Variants in OXSM observed in about 807,000 individuals in gnomAD.
OXSM encodes the protein 3-oxoacyl-ACP synthase, mitochondrial.
OXSM carries 19 observed loss-of-function variants against 29.2 expected under a neutral mutation model. That is an observed-to-expected ratio of 0.65 (90% CI 0.45 to 0.96). The LOEUF (loss-of-function observed/expected upper bound fraction) is 0.96. Among genes scored for constraint, OXSM ranks in the 40% least tolerant of loss-of-function variants. The probability of loss-of-function intolerance (pLI) is 0.00; values close to 1 mark genes in which losing one functional copy is unlikely to be tolerated. For synonymous variants in OXSM, 178 were observed against 197.1 expected (o/e 0.90, Z 0.81); for missense variants, 554 against 551.3 (o/e 1.00, Z -0.05).
intron 1 of OXSM, 113 bp from the exon 2 acceptor site, chr3:25,790,877 T>G: frequency 1.5e-6 from 1 of 688,506 alleles, no homozygotes; most frequent in South Asian, 1.9e-5. Context: ...ACATTTTCCC[T>G]GTGTTCATTA....
At position 25,791,116 on chromosome 3, in the gene OXSM, C is replaced by G; in HGVS notation, c.96C>G (p.Phe32Leu). Residue 32 changes from phenylalanine (F) to leucine (L), a missense_variant, in exon 2 of 3, where the codon TTC (phenylalanine) becomes TTG (leucine). By Grantham distance (22) the Phe-to-Leu change is conservative (BLOSUM62 0). Coordinates refer to ENST00000280701, the MANE Select transcript of OXSM (RefSeq NM_017897.3). ...CQQLRSKRKF[F>L]GTVPISRLHR... ...AGTTAAGAAGTAAAAGGAAGTTTTT[C>G]GGAACTGTGCCAATATCCAGATTGC... is the stretch of plus-strand genomic sequence containing the variant. 1 of 1,614,146 alleles carries G rather than the reference C, an allele frequency of 6.2e-7. No homozygotes were observed. Among genetic ancestry groups the G allele is most frequent in the East Asian group, 2.2e-5 (1 of 44,884 alleles).
Position 25,791,145 on chromosome 3 carries a change from G to A in OXSM, c.125G>A (p.Arg42Lys), listed in dbSNP as rs1276195092. The change falls in exon 2 of 3, where the codon AGG (arginine) becomes AAG (lysine). Residue 42 changes from arginine (R) to lysine (K), a missense_variant. Physicochemically the swap from Arg to Lys is conservative, Grantham distance 26. Coordinates refer to ENST00000280701, the MANE Select transcript of OXSM (RefSeq NM_017897.3). ...ACTGTGCCAATATCCAGATTGCATA[G>A]GCGAGTTGTCATTACAGGCATTGGC... is the stretch of plus-strand genomic sequence containing the variant. ...FGTVPISRLH[R>K]RVVITGIGLV... is the part of the protein sequence containing the mutation. 6.2e-7 allele frequency: 1 copy of A among 1,614,228 alleles called. No homozygotes were observed. The highest frequency in any genetic ancestry group is 2.2e-5 in the East Asian group (1 of 44,886).
intron 2 of OXSM, 106 bp downstream of exon 2, chr3:25,792,103 T>G: frequency 1.1e-6 from 1 of 940,264 alleles, no homozygotes; most frequent in Non-Finnish European, 1.6e-6. Flanking sequence ...ACAGTATCTC[T>G]GTTGTTTTTC....
chr3:25,791,101 T>C lies in OXSM; in HGVS notation c.81T>C (p.Ser27=). Residue 27 remains serine, a synonymous_variant, in exon 2 of 3, where the codon AGT becomes AGC. Transcript: ENST00000280701. The part of the protein sequence containing the change: ...LCSRLCQQLR[S]KRKFFGTVPI... ...CAAGATTATGCCAACAGTTAAGAAG[T>C]AAAAGGAAGTTTTTCGGAACTGTGC... 1 of 1,614,146 alleles carries C rather than the reference T, an allele frequency of 6.2e-7. No individual in the cohort carries two copies. Among genetic ancestry groups the C allele is most frequent in the East Asian group, 2.2e-5 (1 of 44,888 alleles).
chr3:25,791,864 G>T lies in OXSM; in HGVS notation c.844G>T (p.Val282Leu). The change falls in exon 2 of 3, where the codon GTG (valine) becomes TTG (leucine). Residue 282 changes from valine (V) to leucine (L), a missense_variant. Coordinates refer to ENST00000280701, the MANE Select transcript of OXSM (RefSeq NM_017897.3). ...DGFVMGEGAA[V>L]LVLEEYEHAV... The stretch of plus-strand genomic sequence containing the variant: ...TTTTGTAATGGGAGAAGGTGCAGCT[G>T]TGCTGGTGCTGGAAGAATATGAACA... 2 of 1,613,038 alleles carry T rather than the reference G, an allele frequency of 1.2e-6. No homozygotes were observed. The highest frequency in any genetic ancestry group is 8.5e-7 in the Non-Finnish European group (1 of 1,180,018).
rs753439191 is a variant in OXSM, at chr3:25,794,090, A to T, written c.978-2A>T. On this transcript the variant is annotated splice_acceptor_variant, in intron 2 of 2. Transcript: ENST00000280701. LOFTEE classifies it high-confidence loss of function. ...GATAAATGTCTTTTCTTGTTTTATT[A>T]GGTGTATGGCTGCTGCTTTAAAAGA... 1 of 1,595,154 alleles carries T rather than the reference A, an allele frequency of 6.3e-7. No homozygotes were observed.
In OXSM at chr3:25,791,649, C is replaced by T. The variant is rs1274287016; in HGVS notation, c.629C>T (p.Thr210Ile). The T allele has an allele frequency of 6.2e-7, 1 of 1,614,010 alleles. No homozygotes were observed. The highest frequency in any genetic ancestry group is 1.3e-5 in the African/African-American group (1 of 74,922). Residue 210 changes from threonine (T) to isoleucine (I), a missense_variant, in exon 2 of 3, where the codon ACC becomes ATC. Thr to Ile is a moderately conservative substitution (Grantham distance 89). Coordinates refer to ENST00000280701, the MANE Select transcript of OXSM (RefSeq NM_017897.3). ...AATCATGCAGTATCCACAGCCTGTA[C>T]CACAGGAGCTCATGCTGTGGGAGAC... ...GPNHAVSTAC[T>I]TGAHAVGDSF...
Position 25,794,107 on chromosome 3 carries a change from T to G in OXSM, c.993T>G (p.Ala331=). 1 of 1,612,182 alleles carries G rather than the reference T, an allele frequency of 6.2e-7. No individual in the cohort carries two copies. Among genetic ancestry groups the G allele is most frequent in the East Asian group, 2.2e-5 (1 of 44,870 alleles). The change falls in exon 3 of 3, where the codon GCT becomes GCG. Residue 331 remains alanine, a synonymous_variant. Coordinates refer to ENST00000280701, the MANE Select transcript of OXSM (RefSeq NM_017897.3). The part of the protein sequence containing the change: ...GEGALRCMAA[A]LKDAGVQPEE... ...GTTTTATTAGGTGTATGGCTGCTGCTTTAAAAGATGCAGGTGTGCAGCCTG... is the reference window on the plus strand; with the variant it reads ...GTTTTATTAGGTGTATGGCTGCTGCGTTAAAAGATGCAGGTGTGCAGCCTG...
intron 1 of OXSM, chr3:25,790,416 G>C (rs1708711282): frequency 6.1e-6 from 1 of 163,174 alleles, no homozygotes; most frequent in African/African-American, 2.4e-5. Context: ...GATTCAATTG[G>C]AGAAGTTTAG....
chr3:25,791,310 A>T lies in OXSM; in HGVS notation c.290A>T (p.Asp97Val). 1.2e-6 allele frequency: 2 copies of T among 1,614,170 alleles called. No individual in the cohort carries two copies. The highest frequency in any genetic ancestry group is 1.7e-6 in the Non-Finnish European group (2 of 1,180,008). The part of the protein sequence containing the change: ...SVAAYVPRGS[D>V]EGQFNEQNFV... ...GCTGCTTATGTGCCAAGAGGTAGTG[A>T]TGAAGGTCAGTTCAATGAACAAAAC... The change falls in exon 2 of 3, where the codon GAT becomes GTT. Residue 97 changes from aspartate (D) to valine (V), a missense_variant. By Grantham distance (152) the Asp-to-Val change is radical (BLOSUM62 -3). Transcript: ENST00000280701.
At position 25,791,189 on chromosome 3, in the gene OXSM, G is replaced by T. The variant is rs1559567953; in HGVS notation, c.169G>T (p.Val57Phe). Residue 57 changes from valine to phenylalanine, a missense_variant, in exon 2 of 3, where the codon GTT becomes TTT. Coordinates refer to ENST00000280701, the MANE Select transcript of OXSM (RefSeq NM_017897.3). ...TGIGLVTPLG[V>F]GTHLVWDRLI... is the part of the protein sequence containing the mutation. ...CATTGGCTTAGTGACTCCTCTTGGTGTTGGAACTCACCTGGTTTGGGATCG... is the reference window on the plus strand; with the variant it reads ...CATTGGCTTAGTGACTCCTCTTGGTTTTGGAACTCACCTGGTTTGGGATCG... The T allele has an allele frequency of 6.2e-7, 1 of 1,614,206 alleles. No homozygotes were observed. The highest frequency in any genetic ancestry group is 8.5e-7 in the Non-Finnish European group (1 of 1,180,008).
intron 2 of OXSM, 92 bp from the exon 3 acceptor site, chr3:25,794,000 A>G (rs1708821032): frequency 7.6e-6 from 8 of 1,050,840 alleles, no homozygotes; most frequent in Non-Finnish European, 1.1e-5. Flanking sequence ...GTACTTGGAT[A>G]CCTACATTTG....
Position 25,791,200 on chromosome 3 carries a change from C to T in OXSM, c.180C>T (p.His60=). The change falls in exon 2 of 3, where the codon CAC becomes CAT. Residue 60 remains histidine, a synonymous_variant. Coordinates refer to ENST00000280701, the MANE Select transcript of OXSM (RefSeq NM_017897.3). ...GLVTPLGVGT[H]LVWDRLIGGE... is the part of the protein sequence containing the mutation. The stretch of plus-strand genomic sequence containing the variant: ...TGACTCCTCTTGGTGTTGGAACTCA[C>T]CTGGTTTGGGATCGTCTTATCGGAG... 1 of 1,614,156 alleles carries T rather than the reference C, an allele frequency of 6.2e-7. No homozygotes were observed. The highest frequency in any genetic ancestry group is 8.5e-7 in the Non-Finnish European group (1 of 1,179,998).
At position 25,791,721 on chromosome 3, in the gene OXSM, G is replaced by T. The variant is rs773740377; in HGVS notation, c.701G>T (p.Gly234Val). 3.1e-6 allele frequency: 5 copies of T among 1,614,052 alleles called. No individual in the cohort carries two copies. The highest frequency in any genetic ancestry group is 4.2e-6 in the Non-Finnish European group (5 of 1,180,042). Residue 234 changes from glycine (G) to valine (V), a missense_variant, in exon 2 of 3, where the codon GGA (glycine) becomes GTA (valine). Coordinates refer to ENST00000280701, the MANE Select transcript of OXSM (RefSeq NM_017897.3). ...AHGDADVMVA[G>V]GTDSCISPLS... ...GGTGATGCTGATGTGATGGTGGCTG[G>T]AGGTACAGATTCTTGTATTAGCCCT...
Position 25,791,899 on chromosome 3 carries a change from A to G in OXSM, c.879A>G (p.Gln293=). Residue 293 remains glutamine (Q), a synonymous_variant, in exon 2 of 3, where the codon CAA becomes CAG. Coordinates refer to ENST00000280701, the MANE Select transcript of OXSM (RefSeq NM_017897.3). ...LVLEEYEHAV[Q]RRARIYAEVL... Reference sequence around the variant, plus strand: ...TGGAAGAATATGAACATGCTGTTCAAAGAAGAGCCCGGATCTATGCAGAAG... The same window carrying G: ...TGGAAGAATATGAACATGCTGTTCAGAGAAGAGCCCGGATCTATGCAGAAG... 6.2e-7 allele frequency: 1 copy of G among 1,607,998 alleles called. No homozygotes were observed. Among genetic ancestry groups the G allele is most frequent in the Non-Finnish European group, 8.5e-7 (1 of 1,179,946 alleles).
At position 25,791,008 on chromosome 3, in the gene OXSM, C is replaced by A; in HGVS notation, c.-13C>A. On this transcript the variant is annotated 5_prime_UTR_variant, in exon 2 of 3. It adds an upstream start codon to the 5' untranslated region. Transcript: ENST00000280701. The stretch of plus-strand genomic sequence containing the variant: ...TTTACAGGAATGTGTTTCTGATCAT[C>A]TGAATCTTAATCATGTCCAACTGCC... 6.2e-7 allele frequency: 1 copy of A among 1,603,146 alleles called. No homozygotes were observed. Among genetic ancestry groups the A allele is most frequent in the Non-Finnish European group, 8.5e-7 (1 of 1,173,050 alleles).
Position 25,794,459 on chromosome 3 carries a change from G to A in OXSM, c.1345G>A (p.Gly449Ser). 1 of 1,612,872 alleles carries A rather than the reference G, an allele frequency of 6.2e-7. No homozygotes were observed. The highest frequency in any genetic ancestry group is 8.5e-7 in the Non-Finnish European group (1 of 1,179,188). ...CCTCACCAATTCCTTTGGTTTTGGT[G>A]GTACTAATGCAACACTTTGTATTGC... ...IGLTNSFGFGGTNATLCIAGL is the reference protein window; with the variant it reads ...IGLTNSFGFGSTNATLCIAGL The change falls in exon 3 of 3, where the codon GGT becomes AGT. Residue 449 changes from glycine to serine, a missense_variant. Transcript: ENST00000280701.
chr3:25,790,139 C>A lies in OXSM; in HGVS notation c.-40C>A. ...CTGTGGAGAAGTGTCCGGGGTAGCC[C>A]CGTTACAGGTATCGCTGGCTACCCT... On this transcript the variant is annotated 5_prime_UTR_variant, in exon 1 of 3. Transcript: ENST00000280701. 1 of 500,970 alleles carries A rather than the reference C, an allele frequency of 2.0e-6. No individual in the cohort carries two copies. Among genetic ancestry groups the A allele is most frequent in the Non-Finnish European group, 3.6e-6 (1 of 281,674 alleles). The allele number at this position is 500,970 out of a possible 1,614,324, so 31.0% of individuals were successfully genotyped here.
At chr3:25,792,074 T>C in intron 2 of OXSM, 77 bp downstream of exon 2, 1 of 1,295,334 alleles carries the variant, frequency 7.7e-7, no homozygotes. Flanking sequence ...AGGGAAGTTG[T>C]AGTGTCTGGC....
Sources: allele counts gnomAD v4.1 joint callset, GRCh38; gene constraint gnomAD v4.1.1; transcripts MANE v1.5; gene names NCBI Gene and HGNC (gene_info 2026-07-23, HGNC 2026-07-21).